LINGO2: variants seen among roughly 807,000 people sequenced by gnomAD.
LINGO2 encodes the protein leucine rich repeat and Ig domain containing 2.
In LINGO2, 14 loss-of-function variants were observed where a neutral mutation model predicts 30.6. The observed-to-expected ratio is 0.46, with a 90% CI of 0.30 to 0.72. The LOEUF (loss-of-function observed/expected upper bound fraction) is 0.72, where lower values mean the gene tolerates loss of function less well. Among genes scored for constraint, LINGO2 ranks in the 30% least tolerant of loss-of-function variants. The pLI is 0.07. For missense variants in LINGO2, 729 were observed against 751.7 expected, an observed-to-expected ratio of 0.97 and a Z score of 0.35; for synonymous variants, 317 against 288.5, an observed-to-expected ratio of 1.10 and a Z score of -1.00.
chr9:28,297,844 T>C (rs1823981686), intron 3 of LINGO2, among the ~76,000 whole-genome samples: 1 of 152,198 alleles, frequency 6.6e-6, no homozygotes, highest in Non-Finnish European at 1.5e-5. Flanking sequence ...CTTCCAACTG[T>C]TGTGTAAGGA....
the LINGO2 span, among the ~76,000 whole-genome samples, chr9:28,812,257 G>A: frequency 6.6e-6 from 1 of 152,046 alleles, no homozygotes; most frequent in South Asian, 2.1e-4. Flanking sequence ...ATATCTGGTA[G>A]TACTTACTTT....
intron 1 of LINGO2, among the ~76,000 whole-genome samples, chr9:28,563,922 A>C (rs1823232233): frequency 6.6e-6 from 1 of 152,088 alleles, no homozygotes. Flanking sequence ...CCTATGCATA[A>C]CAATGAGCTA....
chr9:28,618,541 ATTC>A (rs1826241775), intron 1 of LINGO2, among the ~76,000 whole-genome samples: 1 of 152,224 alleles, frequency 6.6e-6, no homozygotes, highest in African/African-American at 2.4e-5. Flanking sequence ...CTCTCTAGTG[ATTC>A]TTCATCATAA....
intron 1 of LINGO2, among the ~76,000 whole-genome samples, chr9:28,640,520 T>A (rs1411644122): frequency 6.6e-6 from 1 of 151,150 alleles, no homozygotes; most frequent in Admixed American, 6.6e-5. Flanking sequence ...TTGTTCTTTT[T>A]TTTTTTTTTA....
chr9:28,166,913 G>T (rs1227740348), intron 4 of LINGO2, among the ~76,000 whole-genome samples: 1 of 151,990 alleles, frequency 6.6e-6, no homozygotes, highest in African/African-American at 2.4e-5. Flanking sequence ...CTCTTCTGGG[G>T]TTTCTATGAA....
chr9:29,205,005 A>T, the LINGO2 span, among the ~76,000 whole-genome samples: 1 of 152,076 alleles, frequency 6.6e-6, no homozygotes, highest in Non-Finnish European at 1.5e-5. Context: ...TTTTATCAAG[A>T]ATAATTGTTG....
intron 1 of LINGO2, among the ~76,000 whole-genome samples, chr9:28,613,316 C>T (rs181719171): frequency 4.6e-5 from 7 of 151,912 alleles, no homozygotes; most frequent in Admixed American, 3.9e-4. Flanking sequence ...ATACGTATCA[C>T]AAATGACTAT....
intron 2 of LINGO2, among the ~76,000 whole-genome samples, chr9:28,386,406 A>G (rs1397731944): frequency 1.3e-5 from 2 of 152,166 alleles, no homozygotes; most frequent in Non-Finnish European, 2.9e-5. Context: ...CCTAAACTGT[A>G]CATATCCTGT....
At chr9:28,257,778 C>T (rs941044968) in intron 4 of LINGO2, among the ~76,000 whole-genome samples, 7 of 151,908 alleles carry the variant, frequency 4.6e-5, no homozygotes, top group South Asian at 4.1e-4. Flanking sequence ...GTTTATCCAA[C>T]AAATGCTGAT....
At chr9:28,270,917 C>A (rs949831023) in intron 4 of LINGO2, among the ~76,000 whole-genome samples, 2 of 152,076 alleles carry the variant, frequency 1.3e-5, no homozygotes, top group Non-Finnish European at 2.9e-5. Context: ...AAAGTTTACT[C>A]AAACAGTGGG....
chr9:28,996,554 C>T, the LINGO2 span, among the ~76,000 whole-genome samples: 613 of 152,236 alleles, frequency 4.0e-3, 5 homozygotes, highest in African/African-American at 0.014. Flanking sequence ...CAGAGTAAGA[C>T]AGCCAAGGTA....
At chr9:28,306,762 A>T (rs1824377999) in intron 3 of LINGO2, among the ~76,000 whole-genome samples, 1 of 152,116 alleles carries the variant, frequency 6.6e-6, no homozygotes, top group African/African-American at 2.4e-5. Flanking sequence ...CACTGATCCC[A>T]CAGAAATACA....
At chr9:28,240,066 A>T (rs900013613) in intron 4 of LINGO2, among the ~76,000 whole-genome samples, 1 of 152,166 alleles carries the variant, frequency 6.6e-6, no homozygotes, top group Non-Finnish European at 1.5e-5. Flanking sequence ...TCTAGGAATT[A>T]ACCAAAGAAG....
chr9:28,917,236 T>C, the LINGO2 span, among the ~76,000 whole-genome samples: 1 of 152,086 alleles, frequency 6.6e-6, no homozygotes, highest in African/African-American at 2.4e-5. Flanking sequence ...GTAAACATTA[T>C]TATTATAAAA....
intron 2 of LINGO2, among the ~76,000 whole-genome samples, chr9:28,378,982 T>A (rs1480412372): frequency 6.6e-6 from 1 of 152,006 alleles, no homozygotes; most frequent in Non-Finnish European, 1.5e-5. Flanking sequence ...CAAAAAGTAG[T>A]CTGACAAACA....
At chr9:28,233,543 T>C (rs1821449342) in intron 4 of LINGO2, among the ~76,000 whole-genome samples, 1 of 152,194 alleles carries the variant, frequency 6.6e-6, no homozygotes, top group African/African-American at 2.4e-5. Flanking sequence ...TTTATCGTTA[T>C]AGAATAGTGT....
At chr9:28,315,363 C>G (rs1824802600) in intron 3 of LINGO2, among the ~76,000 whole-genome samples, 1 of 150,796 alleles carries the variant, frequency 6.6e-6, no homozygotes, top group Admixed American at 6.6e-5. Flanking sequence ...GATTGTGCCA[C>G]TGCACTCCAG....
chr9:28,951,965 AG>A, the LINGO2 span, among the ~76,000 whole-genome samples: 1 of 152,206 alleles, frequency 6.6e-6, no homozygotes, highest in South Asian at 2.1e-4. Context: ...ACTGATCATT[AG>A]AGAAATGCAA....
the LINGO2 span, among the ~76,000 whole-genome samples, chr9:28,709,010 A>AT: frequency 6.6e-6 from 1 of 151,940 alleles, no homozygotes; most frequent in African/African-American, 2.4e-5. Flanking sequence ...CATTTTAACC[A>AT]TTTTTCCTCT....
Sources: allele counts gnomAD v4.1 joint callset (sites outside exome capture counted in the v4.1 genomes callset), GRCh38; gene constraint gnomAD v4.1.1; transcripts MANE v1.5; gene names NCBI Gene and HGNC (gene_info 2026-07-23, HGNC 2026-07-21).